CDH18: variants seen among roughly 807,000 people sequenced by gnomAD.
The protein encoded by CDH18 is cadherin 18.
A neutral mutation model predicts 67.9 loss-of-function variants in CDH18; 31 were observed. That is an observed-to-expected ratio of 0.46 (90% confidence interval 0.34 to 0.62). CDH18 has a LOEUF of 0.62. Ranked by LOEUF, CDH18 falls within the 20% of genes least tolerant of loss-of-function variation. The pLI is 0.01. For synonymous variants in CDH18, 362 were observed against 347.2 expected (o/e 1.04, Z -0.48); for missense variants, 890 against 975.5 (o/e 0.91, Z 1.17).
chr5:19,904,207 G>A (rs1790268265), intron 2 of CDH18, among the ~76,000 whole-genome samples: 1 of 151,714 alleles, frequency 6.6e-6, no homozygotes, highest in East Asian at 1.9e-4. Flanking sequence ...TCCGGAGGCG[G>A]AGATTGCAGT....
At chr5:19,586,657 T>G (rs548241379) in intron 7 of CDH18, among the ~76,000 whole-genome samples, 1 of 152,200 alleles carries the variant, frequency 6.6e-6, no homozygotes, top group South Asian at 2.1e-4. Flanking sequence ...TGAATAGTCC[T>G]GCAATAAACA....
chr5:19,616,349 A>G (rs763460104), intron 5 of CDH18, among the ~76,000 whole-genome samples: 16 of 152,024 alleles, frequency 1.1e-4, no homozygotes. Context: ...CTACATTTGA[A>G]CATAGTGAAA....
At chr5:20,496,651 T>C (rs1468727081) in intron 1 of CDH18, among the ~76,000 whole-genome samples, 1 of 152,108 alleles carries the variant, frequency 6.6e-6, no homozygotes, top group Admixed American at 6.6e-5. Context: ...AATTGAGAGA[T>C]AAATTGTAAA....
chr5:20,460,822 G>A (rs927207497), intron 1 of CDH18, among the ~76,000 whole-genome samples: 1 of 152,072 alleles, frequency 6.6e-6, no homozygotes, highest in African/African-American at 2.4e-5. Context: ...AAATAATAAC[G>A]ATACAAATGT....
At chr5:19,487,330 A>T (rs1158245774) in intron 11 of CDH18, among the ~76,000 whole-genome samples, 1 of 152,210 alleles carries the variant, frequency 6.6e-6, no homozygotes, top group Non-Finnish European at 1.5e-5. Flanking sequence ...CAATAAAGAT[A>T]AGAAATTTCT....
At chr5:20,543,804 T>C (rs1298666151) in intron 1 of CDH18, among the ~76,000 whole-genome samples, 2 of 152,148 alleles carry the variant, frequency 1.3e-5, no homozygotes, top group Non-Finnish European at 1.5e-5. Context: ...GTCAGTACAA[T>C]TGTACACTTA....
At chr5:20,294,973 T>A (rs1199780611) in intron 1 of CDH18, among the ~76,000 whole-genome samples, 2 of 152,170 alleles carry the variant, frequency 1.3e-5, no homozygotes, top group Non-Finnish European at 2.9e-5. Context: ...CTATTCAGAG[T>A]GAACTTTGAA....
intron 9 of CDH18, among the ~76,000 whole-genome samples, chr5:19,532,587 T>C (rs754606598): frequency 6.6e-6 from 1 of 152,146 alleles, no homozygotes; most frequent in Non-Finnish European, 1.5e-5. Context: ...GTATGTAGTA[T>C]CACTTATGTT....
At chr5:19,643,443 G>A (rs1754314736) in intron 5 of CDH18, among the ~76,000 whole-genome samples, 1 of 152,046 alleles carries the variant, frequency 6.6e-6, no homozygotes. Context: ...AATATCTATT[G>A]ATAGATCAAT....
At chr5:20,044,436 T>G (rs1740731789) in intron 2 of CDH18, among the ~76,000 whole-genome samples, 1 of 152,158 alleles carries the variant, frequency 6.6e-6, no homozygotes, top group Non-Finnish European at 1.5e-5. Context: ...ACATTCTAAG[T>G]GTGACTGGCA....
chr5:20,340,581 C>T (rs921295479), intron 1 of CDH18, among the ~76,000 whole-genome samples: 2 of 152,142 alleles, frequency 1.3e-5, no homozygotes, highest in African/African-American at 4.8e-5. Context: ...AGGTTTAGGT[C>T]ACTGGGTCCA....
chr5:19,953,395 C>A (rs1418346262), intron 2 of CDH18, among the ~76,000 whole-genome samples: 1 of 151,926 alleles, frequency 6.6e-6, no homozygotes, highest in African/African-American at 2.4e-5. Flanking sequence ...CTATTGGTTT[C>A]TGTTATGTTG....
intron 1 of CDH18, among the ~76,000 whole-genome samples, chr5:20,419,640 GC>G (rs1278158316): frequency 6.9e-6 from 1 of 144,858 alleles, no homozygotes; most frequent in Non-Finnish European, 1.5e-5. Flanking sequence ...ACGACGCCCA[GC>G]TAATTTTTTG....
At chr5:19,811,974 T>C (rs985133346) in intron 3 of CDH18, among the ~76,000 whole-genome samples, 3 of 152,100 alleles carry the variant, frequency 2.0e-5, no homozygotes, top group East Asian at 1.9e-4. Flanking sequence ...AACAAAGATA[T>C]TGATAAATGT....
chr5:19,798,564 CT>C (rs1395510909), intron 3 of CDH18, among the ~76,000 whole-genome samples: 4 of 151,634 alleles, frequency 2.6e-5, no homozygotes, highest in Non-Finnish European at 5.9e-5. Context: ...AAAATAAATG[CT>C]TTTTTTCCCT....
chr5:19,832,840 A>G (rs1016178778), intron 3 of CDH18, among the ~76,000 whole-genome samples: 1 of 151,868 alleles, frequency 6.6e-6, no homozygotes, highest in East Asian at 1.9e-4. Flanking sequence ...ATGGTTGCAG[A>G]TGTGTGGTGT....
Position 20,082,174 on chromosome 5 carries a change from A to C in CDH18, c.-517-90160T>G, listed in dbSNP as rs79943154. 7.0e-3 allele frequency among the ~76,000 whole-genome samples: 1,064 copies of C among 152,198 alleles called. 14 individuals are homozygous for C. Among genetic ancestry groups the C allele is most frequent in the African/African-American group, 0.025 (1,022 of 41,530 alleles). On this transcript the variant is annotated intron_variant, in intron 2 of 14. Coordinates refer to the CDH18 transcript ENST00000507958. ...AACCTGTGATATTAATCCTCAGTTT[A>C]AGGTACGCTTTTTCCTATTGTCAAA...
chr5:20,471,026 A>C (rs1482406158), intron 1 of CDH18, among the ~76,000 whole-genome samples: 1 of 152,108 alleles, frequency 6.6e-6, no homozygotes, highest in Admixed American at 6.5e-5. Flanking sequence ...TGCTGCTGAA[A>C]TGCTTATAAA....
chr5:20,194,853 T>C (rs930728618), intron 2 of CDH18, among the ~76,000 whole-genome samples: 4 of 152,038 alleles, frequency 2.6e-5, no homozygotes, highest in African/African-American at 7.2e-5. Context: ...ATTTCAGATT[T>C]GCATTTCATC....
Sources: gnomAD v4.1 joint callset for allele counts (sites outside exome capture counted in the v4.1 genomes callset) on GRCh38, gnomAD v4.1.1 for gene constraint, MANE v1.5 for transcripts, NCBI Gene and HGNC (gene_info 2026-07-23, HGNC 2026-07-21) for gene names.